Variants in ZNF91 observed in about 807,000 individuals in gnomAD.
The protein encoded by ZNF91 is zinc finger protein 91 (HPF7, HTF10).
ZNF91 carries 7 observed loss-of-function variants against 12.6 expected under a neutral mutation model. The ratio of observed to expected loss-of-function variants is 0.55; its 90% confidence interval spans 0.31 to 1.04. The LOEUF (loss-of-function observed/expected upper bound fraction) is 1.04. Among genes scored for constraint, ZNF91 ranks in the 50% least tolerant of loss-of-function variants. ZNF91 has a pLI of 0.05. For missense variants in ZNF91, 1,217 were observed against 1,385.4 expected, an observed-to-expected ratio of 0.88 and a Z score of 1.93; for synonymous variants, 453 against 462.6, an observed-to-expected ratio of 0.98 and a Z score of 0.27.
intron 3 of ZNF91, among the ~76,000 whole-genome samples, chr19:23,349,853 A>G (rs1320723942): frequency 1.3e-5 from 2 of 152,188 alleles, no homozygotes; most frequent in Admixed American, 1.3e-4. Context: ...AAACAAAAAC[A>G]ACCATGATCC....
Position 23,395,196 on chromosome 19 carries a change from G to C in ZNF91, c.30+129C>G, listed in dbSNP as rs1475400454. The C allele has an allele frequency of 1.5e-5, 18 of 1,188,614 alleles. No homozygotes were observed. In the East Asian group the frequency reaches 4.0e-4, roughly 27 times the overall value. The allele number at this position is 1,188,614 out of a possible 1,614,324, so 73.6% of individuals were successfully genotyped here. ...CGCTGAAGGGGACTGAGGCCGAGCT[G>C]GGCAAGGAGAACCCGGGCACGGATT... On this transcript the variant is annotated intron_variant, in intron 1 of 3. Coordinates refer to ENST00000300619, the MANE Select transcript of ZNF91 (RefSeq NM_003430.4).
downstream of ZNF91, among the ~76,000 whole-genome samples, chr19:23,334,394 G>A (rs188906933): frequency 8.5e-5 from 13 of 152,158 alleles, no homozygotes; most frequent in East Asian, 2.5e-3. Context: ...CACTGCTAAC[G>A]TTTTAGAAAG....
intron 1 of ZNF91, among the ~76,000 whole-genome samples, chr19:23,322,434 A>C (rs1967717005): frequency 6.6e-6 from 1 of 152,166 alleles, no homozygotes; most frequent in African/African-American, 2.4e-5. Flanking sequence ...GCCTATGGTG[A>C]CATATGTCTG....
intron 1 of ZNF91, among the ~76,000 whole-genome samples, chr19:23,333,712 G>C (rs1230643089): frequency 6.6e-6 from 1 of 152,168 alleles, no homozygotes; most frequent in Non-Finnish European, 1.5e-5. Flanking sequence ...ATAGAGAAAT[G>C]AAGTCATGCA....
intron 1 of ZNF91, chr19:23,328,197 G>C (rs938701902): frequency 1.3e-5 from 2 of 152,126 alleles, no homozygotes; most frequent in Admixed American, 1.3e-4. Context: ...CACAATGAGA[G>C]AGACTCATCT....
intron 3 of ZNF91, among the ~76,000 whole-genome samples, chr19:23,363,263 C>T (rs1968883073): frequency 1.3e-5 from 2 of 152,144 alleles, no homozygotes; most frequent in South Asian, 2.1e-4. Context: ...TTTTTATTTA[C>T]AGCTTTTAGG....
At chr19:23,378,796 T>C (rs1038063343) in intron 1 of ZNF91, among the ~76,000 whole-genome samples, 6 of 152,246 alleles carry the variant, frequency 3.9e-5, no homozygotes, top group Non-Finnish European at 7.3e-5. Context: ...ATCCAGTTGC[T>C]AGTCTAGACT....
intron 1 of ZNF91, chr19:23,326,620 C>A (rs1029858945): frequency 1.3e-5 from 2 of 152,104 alleles, no homozygotes; most frequent in African/African-American, 4.8e-5. Context: ...AGACACCATG[C>A]CTGGACTTGC....
chr19:23,330,202 G>A (rs1967904927), intron 1 of ZNF91, among the ~76,000 whole-genome samples: 1 of 151,990 alleles, frequency 6.6e-6, no homozygotes, highest in African/African-American at 2.4e-5. Flanking sequence ...GTTGGGGCGG[G>A]CGCCTGTAAT....
Position 23,359,324 on chromosome 19 carries a change from G to A in ZNF91, c.*79C>T, listed in dbSNP as rs552161364. 21 of 565,792 alleles carry A rather than the reference G, an allele frequency of 3.7e-5. No individual in the cohort carries two copies. Among genetic ancestry groups the A allele is most frequent in the Non-Finnish European group, 5.9e-5 (19 of 320,966 alleles). The allele number at this position is 565,792 out of a possible 1,614,324, so 35.0% of individuals were successfully genotyped here. ...TGCAAGCTCCGCCTCCCGGGTTCAC[G>A]CCATTCTCCTGCCTCAGCCTCTCGC... On this transcript the variant is annotated 3_prime_UTR_variant, in exon 4 of 4. Coordinates refer to ENST00000300619, the MANE Select transcript of ZNF91 (RefSeq NM_003430.4).
intron 1 of ZNF91, among the ~76,000 whole-genome samples, chr19:23,332,239 T>A (rs1024151641): frequency 6.6e-6 from 1 of 152,208 alleles, no homozygotes; most frequent in Non-Finnish European, 1.5e-5. Context: ...TTTTCACCCT[T>A]TGTTGGTTGT....
rs924784714 is a variant in ZNF91 at position 23,360,138 on chromosome 19, A to T, written c.2841T>A (p.Phe947Leu). 7 of 1,613,680 alleles carry T rather than the reference A, an allele frequency of 4.3e-6. No individual in the cohort carries two copies. The highest frequency in any genetic ancestry group is 5.1e-6 in the Non-Finnish European group (6 of 1,180,022). ...GTGTAGTAAGGGTTGAGGATTGGCT[A>T]AAAGCTTTGCCACATTCTTCACATT... ...PYKCEECGKA[F>L]SQSSTLTTHK... The change falls in exon 4 of 4, where the codon TTT (phenylalanine) becomes TTA (leucine). Residue 947 changes from phenylalanine to leucine, a missense_variant. Phe to Leu is a conservative substitution (Grantham distance 22, BLOSUM62 0). Coordinates refer to ENST00000300619, the MANE Select transcript of ZNF91 (RefSeq NM_003430.4).
Position 23,361,548 on chromosome 19 carries a change from T to C in ZNF91, c.1431A>G (p.Leu477=), listed in dbSNP as rs1968771758. Residue 477 remains leucine, a synonymous_variant, in exon 4 of 4, where the codon CTA becomes CTG. Coordinates refer to ENST00000300619, the MANE Select transcript of ZNF91 (RefSeq NM_003430.4). ...CGKAFIWSST[L]TRHKRIHTGE... is the part of the protein sequence containing the mutation. ...CAGTGTGTATCCTCTTATGTCTAGT[T>C]AGGGTTGAAGACCATATAAATGCTT... 2 of 1,612,530 alleles carry C rather than the reference T, an allele frequency of 1.2e-6. No individual in the cohort carries two copies. Among genetic ancestry groups the C allele is most frequent in the Admixed American group, 1.7e-5 (1 of 59,914 alleles).
chr19:23,343,875 CA>C (rs564923618), intron 3 of ZNF91, among the ~76,000 whole-genome samples: 119 of 152,336 alleles, frequency 7.8e-4, no homozygotes, highest in African/African-American at 2.7e-3. Flanking sequence ...GGGGAGCTTT[CA>C]GATTAAATGT....
intron 1 of ZNF91, among the ~76,000 whole-genome samples, chr19:23,393,381 C>T (rs1331481782): frequency 6.6e-6 from 1 of 152,120 alleles, no homozygotes; most frequent in Admixed American, 6.5e-5. Context: ...GAGAATATGA[C>T]CCAGAAGCTG....
chr19:23,381,814 C>G (rs966653947), intron 1 of ZNF91, among the ~76,000 whole-genome samples: 1 of 152,110 alleles, frequency 6.6e-6, no homozygotes, highest in Non-Finnish European at 1.5e-5. Flanking sequence ...TGCAAATAAT[C>G]ATCATGGATA....
chr19:23,369,986 C>T (rs1273693583), intron 3 of ZNF91, among the ~76,000 whole-genome samples: 1 of 143,932 alleles, frequency 6.9e-6, no homozygotes, highest in Non-Finnish European at 1.5e-5. Flanking sequence ...CCGAGAAACA[C>T]CCAAGAATGA....
At chr19:23,322,246 C>T (rs544072177) in intron 1 of ZNF91, among the ~76,000 whole-genome samples, 77 of 152,282 alleles carry the variant, frequency 5.1e-4, no homozygotes, top group African/African-American at 1.6e-3. Flanking sequence ...GGTGATGTGG[C>T]GCTCCTGCTT....
intron 3 of ZNF91, among the ~76,000 whole-genome samples, chr19:23,350,394 T>A (rs994475945): frequency 1.3e-5 from 2 of 152,124 alleles, no homozygotes; most frequent in African/African-American, 4.8e-5. Context: ...CCACTAATAA[T>A]AAAAGCCATT....
Sources: gnomAD v4.1 joint callset for allele counts (sites outside exome capture counted in the v4.1 genomes callset) on GRCh38, gnomAD v4.1.1 for gene constraint, MANE v1.5 for transcripts, NCBI Gene and HGNC (gene_info 2026-07-23, HGNC 2026-07-21) for gene names.